The following WDFY4 variants were observed in gnomAD, a reference collection of about 807,000 sequenced individuals.
WDFY4 encodes the protein WDFY family member 4.
WDFY4 carries 169 observed loss-of-function variants against 351.9 expected under a neutral mutation model. The observed-to-expected ratio is 0.48, with a 90% CI of 0.42 to 0.55. The LOEUF (loss-of-function observed/expected upper bound fraction) is 0.55, where lower values mean the gene tolerates loss of function less well. WDFY4 is among the 20% of genes least tolerant of loss of function. The pLI is 0.00. For synonymous variants in WDFY4, 1,622 were observed against 1,574.6 expected (o/e 1.03, Z -0.71); for missense variants, 3,803 against 3,935.6 (o/e 0.97, Z 0.90).
intron 41 of WDFY4, among the ~76,000 whole-genome samples, chr10:48,874,748 G>A (rs567486458): frequency 6.6e-6 from 1 of 152,304 alleles, no homozygotes; most frequent in East Asian, 1.9e-4. Context: ...CTCTGGGGCT[G>A]TCCAGCCCTG....
intron 47 of WDFY4, among the ~76,000 whole-genome samples, chr10:48,928,406 G>T (rs1038304732): frequency 1.4e-5 from 2 of 147,812 alleles, no homozygotes; most frequent in Non-Finnish European, 3.0e-5. Flanking sequence ...GTTGGTGGGG[G>T]TTGGCACAGG....
chr10:48,736,386 C>T (rs1225881057), intron 11 of WDFY4: 5 of 578,634 alleles, frequency 8.6e-6, no homozygotes, highest in Non-Finnish European at 1.5e-5. Flanking sequence ...AAGGCATTTT[C>T]ATTCAGGCCT....
At chr10:48,746,850 C>T (rs1170685978) in intron 12 of WDFY4, among the ~76,000 whole-genome samples, 5 of 152,158 alleles carry the variant, frequency 3.3e-5, no homozygotes, top group Non-Finnish European at 5.9e-5. Flanking sequence ...TCATACATTA[C>T]TATTAGCTAA....
At chr10:48,930,412 G>A (rs111629721) in intron 47 of WDFY4, among the ~76,000 whole-genome samples, 91 of 152,322 alleles carry the variant, frequency 6.0e-4, no homozygotes, top group Middle Eastern at 3.4e-3. Flanking sequence ...ATGATGGCAC[G>A]ACGGATTGTT....
At position 48,946,133 on chromosome 10, in the gene WDFY4, T is replaced by C; in HGVS notation, c.7843T>C (p.Phe2615Leu). The change falls in exon 50 of 62, where the codon TTT becomes CTT. Residue 2615 changes from phenylalanine (F) to leucine (L), a missense_variant. Coordinates refer to ENST00000325239, the MANE Select transcript of WDFY4 (RefSeq NM_001394531.1). ...AAGGAAGCTGAAATTTATCCAGAGGTTTAAAGAAGTTGAGAAAACTGAAGG... is the reference window on the plus strand; with the variant it reads ...AAGGAAGCTGAAATTTATCCAGAGGCTTAAAGAAGTTGAGAAAACTGAAGG... ...KERKLKFIQR[F>L]KEVEKTEGDM... is the part of the protein sequence containing the mutation. 6.5e-7 allele frequency: 1 copy of C among 1,549,126 alleles called. No individual in the cohort carries two copies. The highest frequency in any genetic ancestry group is 2.5e-5 in the East Asian group (1 of 40,816).
At chr10:48,932,781 G>A (rs928749038) in intron 47 of WDFY4, among the ~76,000 whole-genome samples, 2 of 152,164 alleles carry the variant, frequency 1.3e-5, no homozygotes, top group African/African-American at 4.8e-5. Flanking sequence ...CGGTGGGGAC[G>A]TTGCTAACTC....
chr10:48,814,871 C>A (rs2067569522), intron 31 of WDFY4, among the ~76,000 whole-genome samples: 1 of 152,206 alleles, frequency 6.6e-6, no homozygotes, highest in Admixed American at 6.5e-5. Context: ...TCGACCATAT[C>A]CTCACAGAGG....
intron 47 of WDFY4, among the ~76,000 whole-genome samples, chr10:48,933,564 T>C (rs1013145227): frequency 3.9e-5 from 6 of 152,232 alleles, no homozygotes; most frequent in Admixed American, 2.6e-4. Context: ...TGGGAAACTT[T>C]CTTCCTAGTC....
intron 1 of WDFY4, among the ~76,000 whole-genome samples, chr10:48,704,999 A>G (rs2063587465): frequency 6.6e-6 from 1 of 152,152 alleles, no homozygotes; most frequent in Non-Finnish European, 1.5e-5. Flanking sequence ...ACAAATGAGG[A>G]CCATGAGGCA....
chr10:48,835,589 A>C (rs2068359403), intron 39 of WDFY4, among the ~76,000 whole-genome samples: 1 of 152,210 alleles, frequency 6.6e-6, no homozygotes, highest in Non-Finnish European at 1.5e-5. Context: ...GAAGAGCAGA[A>C]ATTTTGCAAC....
intron 11 of WDFY4, among the ~76,000 whole-genome samples, chr10:48,737,187 C>A (rs2064698995): frequency 6.6e-6 from 1 of 151,950 alleles, no homozygotes; most frequent in Non-Finnish European, 1.5e-5. Flanking sequence ...TTTTTGTATT[C>A]TTTGCACACA....
chr10:48,717,753 C>T (rs1281281663), intron 2 of WDFY4, among the ~76,000 whole-genome samples: 1 of 152,174 alleles, frequency 6.6e-6, no homozygotes, highest in African/African-American at 2.4e-5. Context: ...TTTTTCAGTA[C>T]TATATAGTAT....
chr10:48,978,101 C>A (rs1485131980), intron 59 of WDFY4, among the ~76,000 whole-genome samples: 2 of 152,292 alleles, frequency 1.3e-5, no homozygotes, highest in East Asian at 3.9e-4. Flanking sequence ...ATTCAAGGTG[C>A]AACTGTGATT....
chr10:48,805,153 A>T, intron 25 of WDFY4, 107 bp from the exon 26 acceptor site: 1 of 1,280,972 alleles, frequency 7.8e-7, no homozygotes, highest in Non-Finnish European at 1.1e-6. Flanking sequence ...CATTGGAGTT[A>T]AGGGGCCATG....
chr10:48,973,447 C>A (rs1842420238), intron 57 of WDFY4, among the ~76,000 whole-genome samples: 1 of 152,190 alleles, frequency 6.6e-6, no homozygotes, highest in Non-Finnish European at 1.5e-5. Context: ...CAGAACCTTT[C>A]ATTGCTATGA....
At chr10:48,723,779 T>A (rs1378036542) in intron 5 of WDFY4, among the ~76,000 whole-genome samples, 1 of 152,034 alleles carries the variant, frequency 6.6e-6, no homozygotes, top group Non-Finnish European at 1.5e-5. Context: ...AAATATAAGC[T>A]TTGTACCCAC....
Position 48,897,552 on chromosome 10 carries a change from G to A in WDFY4, c.7415G>A (p.Arg2472Gln), listed in dbSNP as rs114867285. 3.2e-3 allele frequency: 4,936 copies of A among 1,549,062 alleles called. 36 individuals carry two copies. In the Middle Eastern group the frequency reaches 0.034, roughly 11 times the overall value. The change falls in exon 45 of 62, where the codon CGG becomes CAG. Residue 2472 changes from arginine (R) to glutamine (Q), a missense_variant. Transcript: ENST00000325239. ...AGCTACGCTGACATGCGGGAGCTAC[G>A]GCAGGCTCGCTTCCTCCTGCAGGTA... ...CHSYADMREL[R>Q]QARFLLQDIA...
intron 12 of WDFY4, among the ~76,000 whole-genome samples, chr10:48,748,921 A>G (rs1209182278): frequency 1.3e-5 from 2 of 152,220 alleles, no homozygotes; most frequent in African/African-American, 4.8e-5. Flanking sequence ...GGAGGAGGGA[A>G]AGAGGCCGTG....
At chr10:48,976,689 A>G in intron 58 of WDFY4, 108 bp from the exon 59 acceptor site, 10 of 1,076,150 alleles carry the variant, frequency 9.3e-6, no homozygotes, top group Non-Finnish European at 1.1e-5. Flanking sequence ...GGGTCTTCAG[A>G]GCATGACAGA....
Sources: gnomAD v4.1 joint callset for allele counts (sites outside exome capture counted in the v4.1 genomes callset) on GRCh38, gnomAD v4.1.1 for gene constraint, MANE v1.5 for transcripts, NCBI Gene and HGNC (gene_info 2026-07-23, HGNC 2026-07-21) for gene names.